ERBB4: variants seen among roughly 807,000 people sequenced by gnomAD.
ERBB4 encodes receptor tyrosine-protein kinase erbB-4.
Under a neutral mutation model 158.0 loss-of-function variants are expected in ERBB4, and 42 were observed. That is an observed-to-expected ratio of 0.27 (90% CI 0.21 to 0.34). ERBB4 has a LOEUF of 0.34. Ranked by LOEUF, ERBB4 falls within the 10% of genes least tolerant of loss-of-function variation. The pLI, the probability that ERBB4 is intolerant of heterozygous loss-of-function variation, is 1.00. For missense variants in ERBB4, 1,333 were observed against 1,624.1 expected, an observed-to-expected ratio of 0.82 and a Z score of 3.08; for synonymous variants, 583 against 558.7, an observed-to-expected ratio of 1.04 and a Z score of -0.61.
intron 25 of ERBB4, among the ~76,000 whole-genome samples, chr2:211,397,984 G>A (rs1302568447): frequency 6.6e-6 from 1 of 152,146 alleles, no homozygotes; most frequent in Non-Finnish European, 1.5e-5. Context: ...CTGAACTACA[G>A]AATACCACGT....
At chr2:212,353,808 CT>C (rs5838324) in intron 1 of ERBB4, among the ~76,000 whole-genome samples, 117,361 of 151,890 alleles carry the variant, frequency 0.77, 45,902 homozygotes, top group Middle Eastern at 0.87. Flanking sequence ...CCCTGTTACA[CT>C]TGAAACCATG....
intron 3 of ERBB4, among the ~76,000 whole-genome samples, chr2:211,915,639 A>G (rs79175103): frequency 0.035 from 5,394 of 152,068 alleles, 142 homozygotes; most frequent in Admixed American, 0.059. Context: ...AATGACAAAA[A>G]AACAAGGAGT....
intron 1 of ERBB4, among the ~76,000 whole-genome samples, chr2:212,332,939 AG>A (rs1460671590): frequency 1.3e-5 from 2 of 152,050 alleles, no homozygotes; most frequent in Non-Finnish European, 2.9e-5. Flanking sequence ...TGCAAAGAGG[AG>A]AACATGGGTA....
chr2:211,631,606 A>AT (rs2125875717), intron 16 of ERBB4, among the ~76,000 whole-genome samples: 1 of 152,210 alleles, frequency 6.6e-6, no homozygotes, highest in African/African-American at 2.4e-5. Flanking sequence ...TTCTTAGCTA[A>AT]TTTTTTCCTT....
intron 12 of ERBB4, among the ~76,000 whole-genome samples, chr2:211,699,422 A>G (rs1324515106): frequency 1.3e-5 from 2 of 152,156 alleles, no homozygotes; most frequent in Non-Finnish European, 2.9e-5. Flanking sequence ...ATTTACAAAG[A>G]GTACTGGGGA....
In ERBB4 at chr2:211,788,101, G is replaced by A. The variant is rs745409267; in HGVS notation, c.480C>T (p.Thr160=). 33 of 1,611,894 alleles carry A rather than the reference G, an allele frequency of 2.0e-5. No homozygotes were observed. The highest frequency in any genetic ancestry group is 2.7e-5 in the Non-Finnish European group (32 of 1,178,184). The change falls in exon 4 of 28, where the codon ACC becomes ACT. Residue 160 remains threonine, a synonymous_variant. Coordinates refer to ENST00000342788, the MANE Select transcript of ERBB4 (RefSeq NM_005235.3). ...DQNKFLCYAD[T]IHWQDIVRNP... ...TCCGAACAATATCTTGCCAATGAATGGTGTCTGCATAACAAAGGAATTTGT... is the reference window on the plus strand; with the variant it reads ...TCCGAACAATATCTTGCCAATGAATAGTGTCTGCATAACAAAGGAATTTGT...
intron 1 of ERBB4, among the ~76,000 whole-genome samples, chr2:212,264,103 A>G (rs770620014): frequency 1.3e-5 from 2 of 152,136 alleles, no homozygotes; most frequent in African/African-American, 4.8e-5. Context: ...ATCAACTACA[A>G]TGTGGATGGC....
intron 20 of ERBB4, among the ~76,000 whole-genome samples, chr2:211,500,725 T>C (rs1323754211): frequency 6.6e-6 from 1 of 151,716 alleles, no homozygotes; most frequent in Non-Finnish European, 1.5e-5. Context: ...TCCAAACTGG[T>C]TTTTTTTGTG....
chr2:212,180,712 T>G (rs1057369619), intron 1 of ERBB4, among the ~76,000 whole-genome samples: 1 of 151,750 alleles, frequency 6.6e-6, no homozygotes, highest in East Asian at 1.9e-4. Flanking sequence ...CAGTGCAGAT[T>G]TATTATTTCC....
At chr2:211,415,452 C>T (rs1301927995) in intron 25 of ERBB4, among the ~76,000 whole-genome samples, 1 of 152,082 alleles carries the variant, frequency 6.6e-6, no homozygotes, top group Non-Finnish European at 1.5e-5. Flanking sequence ...ATCATTGTGT[C>T]TGCATTATCA....
intron 25 of ERBB4, among the ~76,000 whole-genome samples, chr2:211,416,185 C>A (rs1363623984): frequency 6.6e-6 from 1 of 152,090 alleles, no homozygotes; most frequent in African/African-American, 2.4e-5. Flanking sequence ...TTTCTAATAT[C>A]ATTAAAGCTA....
At chr2:212,509,217 T>A (rs531524521) in intron 1 of ERBB4, among the ~76,000 whole-genome samples, 2 of 152,188 alleles carry the variant, frequency 1.3e-5, no homozygotes, top group African/African-American at 4.8e-5. Flanking sequence ...AAGCAAATAA[T>A]TGTAAACTTT....
intron 1 of ERBB4, among the ~76,000 whole-genome samples, chr2:212,295,587 G>A (rs1425438093): frequency 6.6e-6 from 1 of 152,014 alleles, no homozygotes; most frequent in Non-Finnish European, 1.5e-5. Context: ...AAAGAACAGG[G>A]GTTTTAGAGT....
chr2:212,040,566 A>G (rs1299192271), intron 2 of ERBB4, among the ~76,000 whole-genome samples: 1 of 152,148 alleles, frequency 6.6e-6, no homozygotes, highest in Non-Finnish European at 1.5e-5. Flanking sequence ...TTTAAAAACA[A>G]TTTAGAGTAG....
In ERBB4 at chr2:212,108,787, T is replaced by C. The variant is rs73069299; in HGVS notation, c.234+15965A>G. Among the ~76,000 whole-genome samples, 520 of 150,100 alleles carry C rather than the reference T, an allele frequency of 3.5e-3. 1 individual carries two copies. Among genetic ancestry groups the C allele is most frequent in the African/African-American group, 0.012 (495 of 39,994 alleles). ...TCTGCTGAGGAAGTAGCGTCACATT[T>C]TAAGAAGACAGAAGAGTCACAAAGA... On this transcript the variant is annotated intron_variant, in intron 2 of 27. Transcript: ENST00000342788.
chr2:212,249,545 C>G (rs555700741), intron 1 of ERBB4, among the ~76,000 whole-genome samples: 1 of 151,650 alleles, frequency 6.6e-6, no homozygotes, highest in African/African-American at 2.4e-5. Context: ...AGGCAATAAA[C>G]TAAACTGACG....
chr2:211,887,961 C>A (rs1200184503), intron 3 of ERBB4, among the ~76,000 whole-genome samples: 1 of 152,176 alleles, frequency 6.6e-6, no homozygotes, highest in East Asian at 1.9e-4. Context: ...AGTGTGTCTG[C>A]CTTAAATTAG....
chr2:212,139,579 G>C (rs1030175285), intron 1 of ERBB4, among the ~76,000 whole-genome samples: 1 of 151,784 alleles, frequency 6.6e-6, no homozygotes. Flanking sequence ...GATATGACTA[G>C]TAACAAGAAA....
intron 1 of ERBB4, among the ~76,000 whole-genome samples, chr2:212,261,128 T>C (rs1254627793): frequency 6.6e-6 from 1 of 152,190 alleles, no homozygotes; most frequent in African/African-American, 2.4e-5. Context: ...CTGAATGTTC[T>C]CAAAAAGTCT....
Sources: gnomAD v4.1 joint callset for allele counts (sites outside exome capture counted in the v4.1 genomes callset) on GRCh38, gnomAD v4.1.1 for gene constraint, MANE v1.5 for transcripts, NCBI Gene and HGNC (gene_info 2026-07-23, HGNC 2026-07-21) for gene names.